The following ANKAR variants were observed in gnomAD, a reference collection of about 807,000 sequenced individuals.
ANKAR encodes the protein ankyrin and armadillo repeat containing, also known as ankyrin and armadillo repeat-containing protein.
In ANKAR, 136 loss-of-function variants were observed where a neutral mutation model predicts 146.2. The observed-to-expected ratio is 0.93, with a 90% CI of 0.81 to 1.07. ANKAR has a LOEUF of 1.07. Among genes scored for constraint, ANKAR ranks in the 50% least tolerant of loss-of-function variants. The pLI is 0.00. For synonymous variants in ANKAR, 500 were observed against 575.8 expected (o/e 0.87, Z 1.88); for missense variants, 1,567 against 1,679.9 (o/e 0.93, Z 1.18).
downstream of ANKAR, among the ~76,000 whole-genome samples, chr2:189,749,753 C>T (rs1014203429): frequency 6.6e-5 from 10 of 152,068 alleles, no homozygotes; most frequent in Non-Finnish European, 1.2e-4. Flanking sequence ...TACCTAATAA[C>T]GAACTCTTAA....
At chr2:189,731,797 C>G (rs1559133865) in intron 16 of ANKAR, among the ~76,000 whole-genome samples, 1 of 152,032 alleles carries the variant, frequency 6.6e-6, no homozygotes, top group Non-Finnish European at 1.5e-5. Flanking sequence ...GCCTCCCAGG[C>G]TACAGTGATC....
rs765186275 is a variant in ANKAR, at chr2:189,737,775, C to CAT, written c.3519_3520dup (p.Ser1174TyrfsTer46). The CAT allele has an allele frequency of 9.4e-6, 15 of 1,590,854 alleles. 1 individual carries two copies. The South Asian group carries it at 1.0e-4, about 11-fold the overall frequency. Reference sequence around the variant, plus strand: ...TAATATTGGAAAGTGGAATAATGACCATATCTATTTTTGAACGTTTTCTTG... The same window carrying CAT: ...TAATATTGGAAAGTGGAATAATGACCATATATCTATTTTTGAACGTTTTCTTG... On this transcript the variant is annotated frameshift_variant, in exon 18 of 23. Transcript: ENST00000684021. LOFTEE classifies it high-confidence loss of function.
Position 189,696,084 on chromosome 2 carries a change from AT to A in ANKAR, c.1489-59del. ...GTGATTCTGTTAATACACTTCATGT[AT>A]TTTTTTCCTTAAACCAAACTTTAGG... On this transcript the variant is annotated intron_variant, in intron 6 of 22. Coordinates refer to ENST00000684021, the MANE Select transcript of ANKAR (RefSeq NM_001378068.1). 3 of 1,431,578 alleles carry A rather than the reference AT, an allele frequency of 2.1e-6. No homozygotes were observed. The South Asian group carries it at 3.6e-5, about 17-fold the overall frequency. The allele number at this position is 1,431,578 out of a possible 1,614,324, so 88.7% of individuals were successfully genotyped here. A position where few individuals can be genotyped will look rare whatever the true frequency, so the allele number is the denominator to read the frequency against.
In ANKAR at chr2:189,733,134, A is replaced by G. The variant is rs755913238; in HGVS notation, c.3328A>G (p.Ile1110Val). 1.6e-5 allele frequency: 25 copies of G among 1,609,200 alleles called. No homozygotes were observed. The highest frequency in any genetic ancestry group is 2.1e-5 in the Non-Finnish European group (25 of 1,178,294). ...KVEVAFSLAC[I>V]VLGNDVLQKD... Reference sequence around the variant, plus strand: ...TGAAGTGGCATTTTCCTTGGCATGCATTGTCCTAGGGAATGATGTGTTACA... The same window carrying G: ...TGAAGTGGCATTTTCCTTGGCATGCGTTGTCCTAGGGAATGATGTGTTACA... Residue 1110 changes from isoleucine to valine, a missense_variant, in exon 17 of 23, where the codon ATT (isoleucine) becomes GTT (valine). Transcript: ENST00000684021.
intron 9 of ANKAR, among the ~76,000 whole-genome samples, chr2:189,708,324 G>A (rs1415569903): frequency 6.6e-6 from 1 of 152,200 alleles, no homozygotes; most frequent in Non-Finnish European, 1.5e-5. Context: ...ATATATTGTT[G>A]TAATCTATTA....
At position 189,740,193 on chromosome 2, in the gene ANKAR, CCTT is replaced by C. The variant is rs568955195; in HGVS notation, c.3701-1146_3701-1144del. 2.1e-3 allele frequency among the ~76,000 whole-genome samples: 321 copies of C among 152,356 alleles called. 2 individuals carry two copies. Among genetic ancestry groups the C allele is most frequent in the African/African-American group, 7.4e-3 (307 of 41,588 alleles). On this transcript the variant is annotated intron_variant, in intron 19 of 22. Coordinates refer to ENST00000684021, the MANE Select transcript of ANKAR (RefSeq NM_001378068.1). ...TAGCTATTCTCTACTCGGAGTTCCT[CCTT>C]CTACTCCTTTGAGAACTATAAACTT...
chr2:189,761,468 C>G, downstream of ANKAR: 1 of 1,612,422 alleles, frequency 6.2e-7, no homozygotes, highest in Non-Finnish European at 8.5e-7. Context: ...CAACACATTT[C>G]CAGTTTCATC....
At chr2:189,713,759 A>G (rs1369488062) in intron 10 of ANKAR, among the ~76,000 whole-genome samples, 3 of 152,222 alleles carry the variant, frequency 2.0e-5, no homozygotes, top group Non-Finnish European at 2.9e-5. Flanking sequence ...TTCACACACA[A>G]CAATATTAAC....
At chr2:189,761,330 G>A, downstream of ANKAR, 2 of 1,352,394 alleles carry the variant, frequency 1.5e-6, no homozygotes, top group Non-Finnish European at 2.0e-6. Context: ...TAAGACAGTA[G>A]CTCCTGAAAA....
intron 11 of ANKAR, 52 bp downstream of exon 11, chr2:189,719,865 T>C: frequency 6.7e-7 from 1 of 1,482,656 alleles, no homozygotes; most frequent in South Asian, 1.4e-5. Flanking sequence ...CTCCCTCATA[T>C]AGAAGTTACA....
intron 2 of ANKAR, among the ~76,000 whole-genome samples, chr2:189,677,720 A>T (rs2033962811): frequency 6.7e-6 from 1 of 149,200 alleles, no homozygotes; most frequent in African/African-American, 2.5e-5. Flanking sequence ...TGTGTTGAAC[A>T]GGCTGGCCTC....
downstream of ANKAR, among the ~76,000 whole-genome samples, chr2:189,748,386 G>A (rs559596061): frequency 9.2e-5 from 14 of 152,192 alleles, no homozygotes; most frequent in African/African-American, 1.9e-4. Flanking sequence ...TGGTACAGGC[G>A]TGTAGCCCTA....
intron 10 of ANKAR, among the ~76,000 whole-genome samples, chr2:189,718,226 G>C (rs2040760617): frequency 6.6e-6 from 1 of 152,212 alleles, no homozygotes; most frequent in Non-Finnish European, 1.5e-5. Context: ...GCCAAGGCAG[G>C]AGGATAGCTT....
rs2036135810 is a variant in ANKAR, at chr2:189,689,845, A to G, written c.920A>G (p.Lys307Arg). 1.2e-6 allele frequency: 2 copies of G among 1,604,114 alleles called. No homozygotes were observed. Among genetic ancestry groups the G allele is most frequent in the East Asian group, 4.5e-5 (2 of 44,640 alleles). The change falls in exon 3 of 23, where the codon AAA becomes AGA. Residue 307 changes from lysine to arginine, a missense_variant. Lys to Arg is a conservative substitution (Grantham distance 26, BLOSUM62 2). Coordinates refer to ENST00000684021, the MANE Select transcript of ANKAR (RefSeq NM_001378068.1). The part of the protein sequence containing the change: ...KIIQKHFEKK[K>R]DIRRGIGYLK... ...ATTCAAAAACACTTTGAGAAGAAAA[A>G]AGATATCAGAAGAGGGATAGGATAC...
intron 22 of ANKAR, 149 bp from the exon 23 acceptor site, chr2:189,746,231 G>T: frequency 1.2e-6 from 1 of 828,948 alleles, no homozygotes; most frequent in Non-Finnish European, 1.8e-6. Context: ...ACAAATTTTT[G>T]GCCCCTGACA....
At chr2:189,723,773 T>C (rs1288013515) in intron 12 of ANKAR, among the ~76,000 whole-genome samples, 1 of 152,184 alleles carries the variant, frequency 6.6e-6, no homozygotes, top group Non-Finnish European at 1.5e-5. Flanking sequence ...AGCATACTCT[T>C]CTTTACCTCT....
At chr2:189,726,592 C>T (rs1319747647) in intron 12 of ANKAR, among the ~76,000 whole-genome samples, 1 of 152,090 alleles carries the variant, frequency 6.6e-6, no homozygotes, top group Non-Finnish European at 1.5e-5. Context: ...GACCAAAAAA[C>T]CCCTGAGAAA....
intron 11 of ANKAR, 149 bp from the exon 12 acceptor site, chr2:189,720,470 T>G: frequency 3.0e-6 from 1 of 333,138 alleles, no homozygotes; most frequent in Non-Finnish European, 5.1e-6. Flanking sequence ...ATGGTCTTGA[T>G]CTCTTGACCT....
chr2:189,754,401 G>T (rs2045753393), intron 18 of ANKAR: 1 of 1,439,692 alleles, frequency 6.9e-7, no homozygotes, highest in African/African-American at 1.4e-5. Flanking sequence ...GAAACGAAAA[G>T]ATGCAAAGGA....
Sources: allele counts gnomAD v4.1 joint callset (sites outside exome capture counted in the v4.1 genomes callset), GRCh38; gene constraint gnomAD v4.1.1; transcripts MANE v1.5; gene names NCBI Gene and HGNC (gene_info 2026-07-23, HGNC 2026-07-21).